Variants in ASTN2 observed in about 807,000 individuals in gnomAD.
The protein encoded by ASTN2 is astrotactin-2.
A neutral mutation model predicts 139.8 loss-of-function variants in ASTN2; 54 were observed. The ratio of observed to expected loss-of-function variants is 0.39; its 90% CI spans 0.31 to 0.48. ASTN2 has a LOEUF of 0.48. Ranked by LOEUF, ASTN2 falls within the 20% of genes least tolerant of loss-of-function variation. The pLI is 0.95. For synonymous variants in ASTN2, 756 were observed against 719.5 expected (o/e 1.05, Z -0.81); for missense variants, 1,565 against 1,725.1 (o/e 0.91, Z 1.64).
In ASTN2 at chr9:116,573,038, T is replaced by C. The variant is rs535103512; in HGVS notation, c.3355+45286A>G. Among the ~76,000 whole-genome samples, 8 of 122,064 alleles carry C rather than the reference T, an allele frequency of 6.6e-5. No homozygotes were observed. The South Asian group carries it at 2.0e-3, about 30-fold the overall frequency. The allele number at this position is 122,064 out of a possible 152,430, so 80.1% of individuals were successfully genotyped here. Reference sequence around the variant, plus strand: ...GCACACACACACACACACACACATATATACACACACACACATCAGGAGGCA... The same window carrying C: ...GCACACACACACACACACACACATACATACACACACACACATCAGGAGGCA... On this transcript the variant is annotated intron_variant, in intron 19 of 22. Transcript: ENST00000313400.
intron 17 of ASTN2, among the ~76,000 whole-genome samples, chr9:116,645,254 C>T (rs1393817913): frequency 6.6e-6 from 1 of 152,120 alleles, no homozygotes; most frequent in African/African-American, 2.4e-5. Flanking sequence ...CATTTAAGCA[C>T]CAGTTGTGCT....
At chr9:116,857,122 G>A (rs890586577) in intron 11 of ASTN2, among the ~76,000 whole-genome samples, 14 of 152,202 alleles carry the variant, frequency 9.2e-5, no homozygotes, top group African/African-American at 4.8e-5. Flanking sequence ...TGAGCATAAG[G>A]TTGGTTAAAA....
chr9:117,015,452 G>T (rs1837647330), intron 6 of ASTN2, among the ~76,000 whole-genome samples: 1 of 152,114 alleles, frequency 6.6e-6, no homozygotes, highest in East Asian at 1.9e-4. Context: ...CAAATTTATA[G>T]TATAACAAAT....
At chr9:116,793,902 C>T (rs1830619752) in intron 13 of ASTN2, among the ~76,000 whole-genome samples, 1 of 152,032 alleles carries the variant, frequency 6.6e-6, no homozygotes, top group South Asian at 2.1e-4. Context: ...GGTTTTCATG[C>T]ATAATAATGA....
intron 5 of ASTN2, among the ~76,000 whole-genome samples, chr9:117,046,991 C>A (rs889166124): frequency 6.6e-6 from 1 of 152,138 alleles, no homozygotes; most frequent in African/African-American, 2.4e-5. Context: ...CAAAAACACC[C>A]TTGCAGAGGC....
chr9:116,908,316 T>C (rs1363320805), intron 10 of ASTN2, among the ~76,000 whole-genome samples: 2 of 152,206 alleles, frequency 1.3e-5, no homozygotes, highest in East Asian at 3.9e-4. Context: ...GTTGTAGTTT[T>C]TCTCTAAGTC....
In ASTN2 at chr9:117,125,153, C is replaced by T. The variant is rs1012418445; in HGVS notation, c.1168+16173G>A. On this transcript the variant is annotated intron_variant, in intron 4 of 22. Transcript: ENST00000313400. The stretch of plus-strand genomic sequence containing the variant: ...ACATGCTCCCTCTTCTTATTACTAA[C>T]TTCTTAATAATCTCTTTGCAAAGCT... Among the ~76,000 whole-genome samples, 13 of 152,188 alleles carry T rather than the reference C, an allele frequency of 8.5e-5. 1 individual carries two copies. Among genetic ancestry groups the T allele is most frequent in the Admixed American group, 7.9e-4 (12 of 15,274 alleles).
At chr9:116,663,686 T>C (rs1438701245) in intron 16 of ASTN2, among the ~76,000 whole-genome samples, 1 of 152,182 alleles carries the variant, frequency 6.6e-6, no homozygotes, top group Non-Finnish European at 1.5e-5. Context: ...TCCTGTCTTA[T>C]ATTGAGGCAA....
intron 1 of ASTN2, among the ~76,000 whole-genome samples, chr9:117,296,349 AG>A (rs1370008488): frequency 2.6e-5 from 4 of 151,440 alleles, no homozygotes; most frequent in African/African-American, 9.7e-5. Context: ...CACAGAGTTA[AG>A]GGCTTTGAAT....
chr9:116,469,768 A>G (rs1051491872), intron 20 of ASTN2, among the ~76,000 whole-genome samples: 6 of 152,224 alleles, frequency 3.9e-5, no homozygotes, highest in African/African-American at 1.4e-4. Flanking sequence ...AACAAACACT[A>G]TACCCCATAA....
chr9:116,453,999 C>T (rs540160526), intron 20 of ASTN2, among the ~76,000 whole-genome samples: 13 of 152,314 alleles, frequency 8.5e-5, no homozygotes, highest in African/African-American at 3.1e-4. Context: ...ATTTCTGCCC[C>T]ATGGACTTTG....
At chr9:117,259,255 T>G (rs966277485) in intron 2 of ASTN2, among the ~76,000 whole-genome samples, 1 of 152,192 alleles carries the variant, frequency 6.6e-6, no homozygotes, top group Non-Finnish European at 1.5e-5. Context: ...ATTAAAAGCA[T>G]GTATTCACTC....
intron 1 of ASTN2, among the ~76,000 whole-genome samples, chr9:117,384,915 G>T (rs1328536777): frequency 6.6e-6 from 1 of 152,098 alleles, no homozygotes; most frequent in Non-Finnish European, 1.5e-5. Context: ...ATGGATAAAT[G>T]GATAAAAGGG....
chr9:116,672,784 C>T (rs10983301), intron 16 of ASTN2, among the ~76,000 whole-genome samples: 23,844 of 152,230 alleles, frequency 0.16, 2,386 homozygotes, highest in Non-Finnish European at 0.23. Context: ...CTTTTCATCT[C>T]TTCCTTAAAA....
At chr9:117,282,860 A>G (rs562602214) in intron 2 of ASTN2, among the ~76,000 whole-genome samples, 2 of 150,394 alleles carry the variant, frequency 1.3e-5, no homozygotes, top group East Asian at 3.9e-4. Flanking sequence ...AGGCACTATG[A>G]TTTAGAGTGG....
chr9:116,900,838 T>C (rs569647234), intron 10 of ASTN2, among the ~76,000 whole-genome samples: 1 of 152,324 alleles, frequency 6.6e-6, no homozygotes, highest in East Asian at 1.9e-4. Context: ...ACAGCACATT[T>C]ACTTTGTAAA....
chr9:117,022,113 T>A (rs1038092951), intron 6 of ASTN2, among the ~76,000 whole-genome samples: 1 of 152,140 alleles, frequency 6.6e-6, no homozygotes, highest in African/African-American at 2.4e-5. Flanking sequence ...GGAGTCAGTC[T>A]TTAGCCACAC....
chr9:116,634,011 T>C (rs1036474864), intron 17 of ASTN2, among the ~76,000 whole-genome samples: 29 of 152,206 alleles, frequency 1.9e-4, no homozygotes, highest in African/African-American at 6.3e-4. Context: ...TGGTAGAACA[T>C]TGAGGTTAGG....
intron 20 of ASTN2, among the ~76,000 whole-genome samples, chr9:116,458,706 A>C (rs1175302934): frequency 6.6e-6 from 1 of 151,996 alleles, no homozygotes; most frequent in Non-Finnish European, 1.5e-5. Flanking sequence ...TTAACAAAAG[A>C]AGCATAAGAC....
Sources: allele counts gnomAD v4.1 joint callset (sites outside exome capture counted in the v4.1 genomes callset), GRCh38; gene constraint gnomAD v4.1.1; transcripts MANE v1.5; gene names NCBI Gene and HGNC (gene_info 2026-07-23, HGNC 2026-07-21).